Variants in BNC2 observed in about 807,000 individuals in gnomAD.
BNC2 encodes zinc finger protein basonuclin-2.
BNC2 carries 20 observed loss-of-function variants against 76.3 expected under a neutral mutation model. That is an observed-to-expected ratio of 0.26 (90% CI 0.18 to 0.38). The LOEUF (loss-of-function observed/expected upper bound fraction) is 0.38, where lower values mean the gene tolerates loss of function less well. BNC2 is among the 10% of genes least tolerant of loss of function. BNC2 has a pLI of 1.00. For missense variants in BNC2, 1,382 were observed against 1,399.8 expected, an observed-to-expected ratio of 0.99 and a Z score of 0.20; for synonymous variants, 582 against 514.8, an observed-to-expected ratio of 1.13 and a Z score of -1.77.
chr9:16,713,177 T>G (rs1341897116), intron 3 of BNC2, among the ~76,000 whole-genome samples: 1 of 152,166 alleles, frequency 6.6e-6, no homozygotes, highest in Non-Finnish European at 1.5e-5. Context: ...TTTTAAGGAC[T>G]GCAATGGAAA....
chr9:16,795,220 C>T (rs905031647), intron 1 of BNC2, among the ~76,000 whole-genome samples: 2 of 151,864 alleles, frequency 1.3e-5, no homozygotes, highest in South Asian at 2.1e-4. Context: ...GCAGTGTAGG[C>T]GGAAAAGAAT....
At chr9:16,784,227 A>C (rs980995833) in intron 1 of BNC2, among the ~76,000 whole-genome samples, 1 of 152,210 alleles carries the variant, frequency 6.6e-6, no homozygotes, top group Non-Finnish European at 1.5e-5. Flanking sequence ...CAGGGAAGAC[A>C]GCTGTGCAAA....
intron 3 of BNC2, among the ~76,000 whole-genome samples, chr9:16,600,133 G>A (rs1334554154): frequency 2.6e-5 from 4 of 152,178 alleles, no homozygotes; most frequent in African/African-American, 9.7e-5. Context: ...TTATGACACT[G>A]AACATCAGTT....
At chr9:16,573,665 A>AT (rs538723516) in intron 4 of BNC2, among the ~76,000 whole-genome samples, 11 of 152,274 alleles carry the variant, frequency 7.2e-5, no homozygotes, top group Admixed American at 2.0e-4. Flanking sequence ...CAAAGTGGGG[A>AT]TCTCCCTGGG....
intron 1 of BNC2, among the ~76,000 whole-genome samples, chr9:16,767,373 A>C (rs1449060121): frequency 2.6e-5 from 4 of 152,224 alleles, no homozygotes; most frequent in South Asian, 2.1e-4. Flanking sequence ...AGACACAAGG[A>C]AACAATTACA....
At chr9:16,544,943 T>C (rs1160864279) in intron 5 of BNC2, among the ~76,000 whole-genome samples, 2 of 152,174 alleles carry the variant, frequency 1.3e-5, no homozygotes, top group African/African-American at 4.8e-5. Context: ...TTTTAAAATA[T>C]TCTTTGATTT....
chr9:16,811,841 G>T (rs1199900102), intron 1 of BNC2, among the ~76,000 whole-genome samples: 1 of 152,204 alleles, frequency 6.6e-6, no homozygotes. Context: ...GGGCCTGATG[G>T]TTTCTACAAA....
At chr9:16,727,735 C>A in intron 3 of BNC2, 62 bp downstream of exon 3, 1 of 1,394,100 alleles carries the variant, frequency 7.2e-7, no homozygotes, top group Non-Finnish European at 1.0e-6. Flanking sequence ...ACAAAAGTGC[C>A]CATAACAATT....
chr9:16,520,028 G>C (rs1221073461), intron 5 of BNC2, among the ~76,000 whole-genome samples: 1 of 152,206 alleles, frequency 6.6e-6, no homozygotes, highest in Non-Finnish European at 1.5e-5. Context: ...TCCTTCTTGA[G>C]AAACTCTAAT....
At chr9:16,552,418 C>CT in intron 5 of BNC2, 112 bp downstream of exon 5, 1 of 904,240 alleles carries the variant, frequency 1.1e-6, no homozygotes, top group Non-Finnish European at 1.8e-6. Context: ...GAAACGACCA[C>CT]TTTAACCAGA....
At chr9:16,815,789 G>C (rs1261685875) in intron 1 of BNC2, among the ~76,000 whole-genome samples, 1 of 152,088 alleles carries the variant, frequency 6.6e-6, no homozygotes, top group Non-Finnish European at 1.5e-5. Flanking sequence ...CAAGTAAATA[G>C]TTAGTGGTTA....
At chr9:16,715,480 G>T (rs1379129874) in intron 3 of BNC2, among the ~76,000 whole-genome samples, 2 of 152,164 alleles carry the variant, frequency 1.3e-5, no homozygotes, top group Non-Finnish European at 2.9e-5. Flanking sequence ...CTAAAACAGA[G>T]GTTTCTATCT....
At chr9:16,658,890 A>G (rs1340700630) in intron 3 of BNC2, among the ~76,000 whole-genome samples, 2 of 152,216 alleles carry the variant, frequency 1.3e-5, no homozygotes, top group African/African-American at 2.4e-5. Flanking sequence ...GCTGAAGGAC[A>G]CATTAGATTT....
intron 1 of BNC2, among the ~76,000 whole-genome samples, chr9:16,851,260 C>A (rs983238609): frequency 6.6e-6 from 1 of 152,092 alleles, no homozygotes; most frequent in African/African-American, 2.4e-5. Context: ...ATAATCCCAG[C>A]ACTTTGGGAG....
intron 1 of BNC2, among the ~76,000 whole-genome samples, chr9:16,763,170 G>C (rs986182933): frequency 1.3e-5 from 2 of 152,130 alleles, no homozygotes; most frequent in African/African-American, 4.8e-5. Flanking sequence ...AACCTTGTTA[G>C]CAAAGGGCTC....
intron 3 of BNC2, among the ~76,000 whole-genome samples, chr9:16,701,427 G>C (rs1263614333): frequency 6.6e-6 from 1 of 152,132 alleles, no homozygotes; most frequent in Non-Finnish European, 1.5e-5. Context: ...GAATGCTTTT[G>C]TAAGCATAAA....
At chr9:16,477,271 A>C (rs1453676888) in intron 5 of BNC2, among the ~76,000 whole-genome samples, 1 of 152,042 alleles carries the variant, frequency 6.6e-6, no homozygotes, top group East Asian at 1.9e-4. Flanking sequence ...AAAAGAGAAA[A>C]TTTTAAAACT....
At position 16,663,737 on chromosome 9, in the gene BNC2, C is replaced by T. The variant is rs891164968; in HGVS notation, c.330+64060G>A. On this transcript the variant is annotated intron_variant, in intron 3 of 6. Transcript: ENST00000380672. ...AATGTGCCTGCTGGGATATCTAATC[C>T]ACTGAACAAAATTTTAAAGAGTCAG... Among the ~76,000 whole-genome samples, 35 of 152,076 alleles carry T rather than the reference C, an allele frequency of 2.3e-4. 1 individual carries two copies. Among genetic ancestry groups the T allele is most frequent in the Admixed American group, 1.8e-3 (27 of 15,250 alleles).
intron 4 of BNC2, among the ~76,000 whole-genome samples, chr9:16,557,273 C>T (rs577147050): frequency 2.6e-5 from 4 of 151,900 alleles, no homozygotes; most frequent in East Asian, 3.9e-4. Context: ...TTGCAGTGGG[C>T]GAATAACCCG....
Sources: allele counts gnomAD v4.1 joint callset (sites outside exome capture counted in the v4.1 genomes callset), GRCh38; gene constraint gnomAD v4.1.1; transcripts MANE v1.5; gene names NCBI Gene and HGNC (gene_info 2026-07-23, HGNC 2026-07-21).